The following TLN2 variants were observed in gnomAD, a reference collection of about 807,000 sequenced individuals.
TLN2 encodes the protein talin 2.
In TLN2, 118 loss-of-function variants were observed where a neutral mutation model predicts 294.7. That is an observed-to-expected ratio of 0.40 (90% CI 0.34 to 0.47). The LOEUF is 0.47. Ranked by LOEUF, TLN2 falls within the 20% of genes least tolerant of loss-of-function variation. TLN2 has a pLI of 0.84. For missense variants in TLN2, 3,083 were observed against 3,282.2 expected, an observed-to-expected ratio of 0.94 and a Z score of 1.48; for synonymous variants, 1,431 against 1,304.5, an observed-to-expected ratio of 1.10 and a Z score of -2.09.
At chr15:62,518,963 T>G (rs1324480589) in intron 1 of TLN2, among the ~76,000 whole-genome samples, 2 of 152,226 alleles carry the variant, frequency 1.3e-5, no homozygotes, top group East Asian at 3.9e-4. Context: ...ACTTTACATG[T>G]GCCACACACA....
intron 52 of TLN2, among the ~76,000 whole-genome samples, chr15:62,814,579 C>T (rs10468029): frequency 0.99 from 150,272 of 152,348 alleles, 74,143 homozygotes; most frequent in Middle Eastern, 1. Flanking sequence ...ATTATGTATT[C>T]ATTTATTTGT....
chr15:62,720,040 T>A (rs969228904), intron 25 of TLN2, among the ~76,000 whole-genome samples, 160 bp downstream of exon 25: 1 of 152,070 alleles, frequency 6.6e-6, no homozygotes, highest in Admixed American at 6.5e-5. Flanking sequence ...TCAGGAGAGG[T>A]GGGTTCAGCT....
At chr15:62,653,962 T>A (rs2052907035) in intron 7 of TLN2, among the ~76,000 whole-genome samples, 1 of 152,222 alleles carries the variant, frequency 6.6e-6, no homozygotes, top group Admixed American at 6.5e-5. Context: ...ACTAATGATG[T>A]ATATTTATGG....
intron 1 of TLN2, among the ~76,000 whole-genome samples, chr15:62,521,355 CTG>C (rs2040447401): frequency 6.6e-6 from 1 of 152,060 alleles, no homozygotes; most frequent in East Asian, 1.9e-4. Context: ...AAACCTAACT[CTG>C]TAAAATATTT....
intron 1 of TLN2, among the ~76,000 whole-genome samples, chr15:62,395,001 T>C (rs528365271): frequency 6.6e-6 from 1 of 152,280 alleles, no homozygotes; most frequent in South Asian, 2.1e-4. Context: ...GTTCTGAAAA[T>C]GTAGAACAAG....
chr15:62,483,945 C>T (rs911244054), intron 1 of TLN2, among the ~76,000 whole-genome samples: 5 of 152,164 alleles, frequency 3.3e-5, no homozygotes, highest in South Asian at 4.1e-4. Flanking sequence ...AAGGGCAGTG[C>T]GTAGAGAAGA....
rs570438426 is a variant in TLN2 at position 62,630,702 on chromosome 15, CT to C, written c.-37+12237del. On this transcript the variant is annotated intron_variant, in intron 3 of 58. Transcript: ENST00000636159. ...CTGGTGATTTGAGTTCCACCGTTAC[CT>C]TTTTTTTTTGGCTTTCTGATTATGT... Among the ~76,000 whole-genome samples, 758 of 146,612 alleles carry C rather than the reference CT, an allele frequency of 5.2e-3. 2 individuals carry two copies. The highest frequency in any genetic ancestry group is 7.1e-3 in the Non-Finnish European group (469 of 66,372).
chr15:62,831,954 CTAGT>C (rs1567702290), intron 54 of TLN2: 1 of 152,060 alleles, frequency 6.6e-6, no homozygotes, highest in African/African-American at 2.4e-5. Context: ...GTGGCTTTGG[CTAGT>C]TAAAGTGCCT....
At chr15:62,595,442 TAAC>T (rs967717053) in intron 2 of TLN2, among the ~76,000 whole-genome samples, 2 of 145,866 alleles carry the variant, frequency 1.4e-5, no homozygotes, top group Non-Finnish European at 3.0e-5. Flanking sequence ...GGATGAAAGA[TAAC>T]AAGTGTTGGT....
intron 1 of TLN2, among the ~76,000 whole-genome samples, chr15:62,563,995 T>C (rs532183850): frequency 1.2e-4 from 18 of 152,348 alleles, no homozygotes; most frequent in African/African-American, 4.1e-4. Flanking sequence ...GTGCCAGGCA[T>C]GCACTAACTA....
intron 11 of TLN2, among the ~76,000 whole-genome samples, chr15:62,684,639 G>C (rs999287965): frequency 6.6e-6 from 1 of 152,026 alleles, no homozygotes; most frequent in South Asian, 2.1e-4. Context: ...AGGGCGGTTG[G>C]GGGTGGGTAG....
intron 1 of TLN2, among the ~76,000 whole-genome samples, chr15:62,539,176 A>C (rs2041530751): frequency 6.6e-6 from 1 of 152,210 alleles, no homozygotes; most frequent in Admixed American, 6.5e-5. Flanking sequence ...TAGGGAGCTT[A>C]AGCAATGAAA....
chr15:62,708,926 T>A, intron 21 of TLN2, 130 bp downstream of exon 21: 1 of 1,100,528 alleles, frequency 9.1e-7, no homozygotes. Flanking sequence ...CTCAAAGACT[T>A]CCCCACTGAA....
At chr15:62,775,897 G>A (rs1024613041) in intron 42 of TLN2, among the ~76,000 whole-genome samples, 1 of 152,212 alleles carries the variant, frequency 6.6e-6, no homozygotes, top group African/African-American at 2.4e-5. Context: ...CTTATAAATG[G>A]CAAGGCGCCT....
rs1399595663 is a variant in TLN2, at chr15:62,650,193, A to G, written c.234+12A>G. The G allele has an allele frequency of 3.7e-6, 6 of 1,613,760 alleles. No individual in the cohort carries two copies. Among genetic ancestry groups the G allele is most frequent in the East Asian group, 2.2e-5 (1 of 44,876 alleles). ...TGTTGCGGAATGGGGTATGCTGCCA[A>G]TCCCAGTGCTGTTTCTTCATCCCTT... is the stretch of plus-strand genomic sequence containing the variant. On this transcript the variant is annotated intron_variant, in intron 5 of 58. Coordinates refer to ENST00000636159, the MANE Select transcript of TLN2 (RefSeq NM_015059.3).
intron 9 of TLN2, among the ~76,000 whole-genome samples, chr15:62,661,793 A>G (rs937951333): frequency 6.0e-4 from 92 of 152,144 alleles, no homozygotes; most frequent in African/African-American, 9.7e-5. Context: ...ACTTAAATCA[A>G]AAATGTAGCT....
Position 62,390,560 on chromosome 15 carries a change from C to G in TLN2, c.-363C>G, listed in dbSNP as rs968989745. On this transcript the variant is annotated 5_prime_UTR_variant, in exon 1 of 59. Transcript: ENST00000636159. ...TCGCCCTCGGCTCTTGTTCCGCGCCCGGAGCCAGCGGCGGCGGCAGCGGCT... is the reference window on the plus strand; with the variant it reads ...TCGCCCTCGGCTCTTGTTCCGCGCCGGGAGCCAGCGGCGGCGGCAGCGGCT... 3.8e-4 allele frequency: 58 copies of G among 152,086 alleles called. No individual in the cohort carries two copies. The highest frequency in any genetic ancestry group is 1.0e-3 in the African/African-American group (42 of 41,410). 9.4% of individuals were successfully genotyped at this position (152,086 alleles called of 1,614,324 possible).
At chr15:62,444,637 G>A (rs904756722) in intron 1 of TLN2, among the ~76,000 whole-genome samples, 5 of 152,210 alleles carry the variant, frequency 3.3e-5, no homozygotes, top group Non-Finnish European at 7.3e-5. Flanking sequence ...ACTCACTCTT[G>A]TGTCATGAAC....
chr15:62,825,789 T>TATATTATATATATTATATTA (rs1491491748), intron 54 of TLN2, among the ~76,000 whole-genome samples: 2 of 83,612 alleles, frequency 2.4e-5, no homozygotes, highest in African/African-American at 1.4e-4. Flanking sequence ...ATATTATATA[T>TATATTATATATATTATATTA]TATAATATAT....
Sources: gnomAD v4.1 joint callset for allele counts (sites outside exome capture counted in the v4.1 genomes callset) on GRCh38, gnomAD v4.1.1 for gene constraint, MANE v1.5 for transcripts, NCBI Gene and HGNC (gene_info 2026-07-23, HGNC 2026-07-21) for gene names.